Variants in SLC22A15 observed in about 807,000 individuals in gnomAD.
SLC22A15 encodes the protein flipt 1.
A neutral mutation model predicts 62.7 loss-of-function variants in SLC22A15; 45 were observed. The ratio of observed to expected loss-of-function variants is 0.72; its 90% CI spans 0.56 to 0.92. The LOEUF is 0.92. SLC22A15 is among the 40% of genes least tolerant of loss of function. The pLI is 0.00. For missense variants in SLC22A15, 622 were observed against 665.6 expected (o/e 0.93, Z 0.72); for synonymous variants, 264 against 267.0 (o/e 0.99, Z 0.11).
chr1:116,037,966 C>T lies in SLC22A15; in HGVS notation c.1171+578C>T, dbSNP rs1003387232. On this transcript the variant is annotated intron_variant, in intron 8 of 11. Coordinates refer to ENST00000369503, the MANE Select transcript of SLC22A15 (RefSeq NM_018420.3). ...TAGCTTTTCTATGCAAACACAGCTT[C>T]AAGAAGGATCCCTTTAGCATTCTAA... 2.0e-5 allele frequency among the ~76,000 whole-genome samples: 3 copies of T among 152,358 alleles called. No homozygotes were observed. In the East Asian group the frequency reaches 5.8e-4, roughly 29 times the overall value.
intron 2 of SLC22A15, among the ~76,000 whole-genome samples, chr1:115,992,742 C>T (rs1302256642): frequency 2.0e-5 from 3 of 151,806 alleles, no homozygotes; most frequent in Non-Finnish European, 4.4e-5. Flanking sequence ...CTGCCTCAGC[C>T]TCCCGAGTAG....
chr1:116,020,590 G>A (rs1656777377), intron 3 of SLC22A15, 131 bp from the exon 4 acceptor site: 11 of 724,078 alleles, frequency 1.5e-5, no homozygotes, highest in East Asian at 1.0e-4. Flanking sequence ...AAAACAAAAA[G>A]AAACCCACAA....
rs150296098 is a variant in SLC22A15 at position 116,056,751 on chromosome 1, G to A, written c.1172-6011G>A. Among the ~76,000 whole-genome samples, 334 of 152,158 alleles carry A rather than the reference G, an allele frequency of 2.2e-3. 2 individuals are homozygous for A. The highest frequency in any genetic ancestry group is 4.1e-3 in the African/African-American group (171 of 41,522). On this transcript the variant is annotated intron_variant, in intron 8 of 11. Coordinates refer to ENST00000369503, the MANE Select transcript of SLC22A15 (RefSeq NM_018420.3). ...GAACAAAGCCCTCAGATGTAACGCC[G>A]CATATCTACAACTATCGGATCTTTG... is the stretch of plus-strand genomic sequence containing the variant.
intron 8 of SLC22A15, among the ~76,000 whole-genome samples, chr1:116,051,914 G>C (rs1658063447): frequency 6.6e-6 from 1 of 152,194 alleles, no homozygotes; most frequent in African/African-American, 2.4e-5. Context: ...AACAGACTAA[G>C]AAGGAGGAGC....
In SLC22A15 at chr1:116,069,340, A is replaced by G. The variant is rs1557913329; in HGVS notation, c.*2232A>G. On this transcript the variant is annotated 3_prime_UTR_variant, in exon 12 of 12. Coordinates refer to ENST00000369503, the MANE Select transcript of SLC22A15 (RefSeq NM_018420.3). ...CTCCTTTTGATAAAAACTGTTGAAT[A>G]CTATTGATGTAGAGAATGTGTATAT... 1 of 152,204 alleles carries G rather than the reference A, an allele frequency of 6.6e-6. No homozygotes were observed. Among genetic ancestry groups the G allele is most frequent in the Non-Finnish European group, 1.5e-5 (1 of 68,030 alleles). 9.4% of individuals were successfully genotyped at this position (152,204 alleles called of 1,614,324 possible).
chr1:116,030,198 C>T (rs1657324173), intron 5 of SLC22A15, among the ~76,000 whole-genome samples: 1 of 152,154 alleles, frequency 6.6e-6, no homozygotes, highest in Non-Finnish European at 1.5e-5. Flanking sequence ...TAGCAAAGCT[C>T]CTGGGAAAAC....
rs1657383344 is a variant in SLC22A15, at chr1:116,031,341, C to G, written c.729-25C>G. 1.9e-6 allele frequency: 3 copies of G among 1,553,540 alleles called. No individual in the cohort carries two copies. In the African/African-American group the frequency reaches 4.1e-5, roughly 21 times the overall value. ...GTGCACGTGTACCTATATGAATATA[C>G]AGGCTTTAATGACATCTCTTTCAGA... On this transcript the variant is annotated intron_variant, in intron 5 of 11. Coordinates refer to ENST00000369503, the MANE Select transcript of SLC22A15 (RefSeq NM_018420.3).
At position 115,976,598 on chromosome 1, in the gene SLC22A15, G is replaced by T. The variant is rs748709833; in HGVS notation, c.-30G>T. ...GAGGGCAGCGCCTGAGAGGGCGGTG[G>T]GGTGGCGGGGTTCCTGCGCGCGGCC... On this transcript the variant is annotated 5_prime_UTR_variant, in exon 1 of 12. Transcript: ENST00000369503. 7.2e-6 allele frequency: 11 copies of T among 1,527,880 alleles called. No individual in the cohort carries two copies. Among genetic ancestry groups the T allele is most frequent in the Admixed American group, 1.8e-5 (1 of 55,594 alleles). The allele number at this position is 1,527,880 out of a possible 1,614,324, so 94.6% of individuals were successfully genotyped here.
chr1:116,029,050 G>A (rs1657258696), intron 5 of SLC22A15, among the ~76,000 whole-genome samples: 1 of 152,106 alleles, frequency 6.6e-6, no homozygotes, highest in African/African-American at 2.4e-5. Context: ...TCCAACAGTA[G>A]CAGGCTCTTT....
At chr1:116,038,097 CTG>C (rs1310268359) in intron 8 of SLC22A15, among the ~76,000 whole-genome samples, 6 of 152,068 alleles carry the variant, frequency 3.9e-5, no homozygotes, top group Non-Finnish European at 8.8e-5. Flanking sequence ...GCCTTGGGAA[CTG>C]TGTTTTTGGC....
intron 6 of SLC22A15, chr1:116,031,907 C>A: frequency 8.9e-7 from 1 of 1,117,972 alleles, no homozygotes; most frequent in Non-Finnish European, 1.1e-6. Flanking sequence ...GGAAAGAAAG[C>A]AAATAAGCAT....
intron 8 of SLC22A15, among the ~76,000 whole-genome samples, chr1:116,040,409 A>C (rs1464508227): frequency 3.3e-5 from 5 of 152,184 alleles, no homozygotes; most frequent in Non-Finnish European, 1.5e-5. Flanking sequence ...CCATTTATTA[A>C]GTGTTAATCA....
At chr1:116,020,261 A>C (rs767164446) in intron 3 of SLC22A15, among the ~76,000 whole-genome samples, 1 of 143,398 alleles carries the variant, frequency 7.0e-6, no homozygotes, top group Non-Finnish European at 1.5e-5. Flanking sequence ...AAAAAAAAAA[A>C]CACACAGCTG....
At chr1:116,019,922 G>A (rs980034935) in intron 3 of SLC22A15, among the ~76,000 whole-genome samples, 4 of 152,204 alleles carry the variant, frequency 2.6e-5, no homozygotes, top group African/African-American at 9.7e-5. Context: ...CCTAGTTAAA[G>A]TCAGATATTT....
intron 1 of SLC22A15, among the ~76,000 whole-genome samples, chr1:115,988,640 C>A (rs1654998344): frequency 6.6e-6 from 1 of 152,042 alleles, no homozygotes; most frequent in Non-Finnish European, 1.5e-5. Flanking sequence ...TCTGCCTCAG[C>A]CTCCCAAGTA....
chr1:116,019,762 T>C (rs377155880), intron 3 of SLC22A15, 48 bp downstream of exon 3: 10 of 1,563,158 alleles, frequency 6.4e-6, no homozygotes, highest in Non-Finnish European at 7.8e-6. Context: ...CTTATTTCTC[T>C]AAGATTCTTA....
intron 1 of SLC22A15, among the ~76,000 whole-genome samples, chr1:115,979,435 G>A (rs534431131): frequency 4.7e-4 from 72 of 152,232 alleles, no homozygotes; most frequent in African/African-American, 1.7e-3. Context: ...GTGATATGTG[G>A]TATTAATGTA....
intron 8 of SLC22A15, among the ~76,000 whole-genome samples, chr1:116,050,024 A>T (rs980939449): frequency 2.0e-5 from 3 of 152,184 alleles, no homozygotes; most frequent in African/African-American, 7.2e-5. Context: ...ATGGAAAAAT[A>T]CAACCCTCCT....
intron 2 of SLC22A15, among the ~76,000 whole-genome samples, chr1:116,016,876 T>C (rs1656561547): frequency 6.6e-6 from 1 of 152,200 alleles, no homozygotes; most frequent in African/African-American, 2.4e-5. Context: ...ATCCAAGCCA[T>C]CATTATCTCC....
Sources: allele counts gnomAD v4.1 joint callset (sites outside exome capture counted in the v4.1 genomes callset), GRCh38; gene constraint gnomAD v4.1.1; transcripts MANE v1.5; gene names NCBI Gene and HGNC (gene_info 2026-07-23, HGNC 2026-07-21).